The following SRGAP2 variants were observed in gnomAD, a reference collection of about 807,000 sequenced individuals.
The protein encoded by SRGAP2 is SLIT-ROBO Rho GTPase-activating protein 2.
Under a neutral mutation model 57.2 loss-of-function variants are expected in SRGAP2, and 15 were observed. The ratio of observed to expected loss-of-function variants is 0.26; its 90% CI spans 0.18 to 0.40. The LOEUF (loss-of-function observed/expected upper bound fraction) is 0.40, where lower values mean the gene tolerates loss of function less well. Ranked by LOEUF, SRGAP2 falls within the 10% of genes least tolerant of loss-of-function variation. The pLI is 1.00. For missense variants in SRGAP2, 520 were observed against 669.6 expected, an observed-to-expected ratio of 0.78 and a Z score of 2.47; for synonymous variants, 249 against 248.0, an observed-to-expected ratio of 1.00 and a Z score of -0.04.
At chr1:206,357,711 G>A (rs1395731258) in intron 4 of SRGAP2, among the ~76,000 whole-genome samples, 1 of 150,570 alleles carries the variant, frequency 6.6e-6, no homozygotes, top group African/African-American at 2.5e-5. Flanking sequence ...AGCCTCCCGA[G>A]TAGCCGGGAT....
chr1:206,323,506 G>C (rs1432748712), intron 3 of SRGAP2, among the ~76,000 whole-genome samples: 1 of 150,136 alleles, frequency 6.7e-6, no homozygotes, highest in Non-Finnish European at 1.5e-5. Flanking sequence ...TCCTAAGCCT[G>C]CTCCTAGGTT....
chr1:206,357,503 A>G (rs1189034459), intron 4 of SRGAP2, among the ~76,000 whole-genome samples: 2 of 149,146 alleles, frequency 1.3e-5, no homozygotes, highest in Admixed American at 6.6e-5. Context: ...AATGTTGCCT[A>G]TATGATCATA....
At chr1:206,417,319 G>T (rs1553362391) in intron 11 of SRGAP2, among the ~76,000 whole-genome samples, 1 of 151,610 alleles carries the variant, frequency 6.6e-6, no homozygotes, top group South Asian at 2.1e-4. Context: ...GGCCAGGCTG[G>T]TCTCAATCTC....
intron 2 of SRGAP2, among the ~76,000 whole-genome samples, chr1:206,230,629 ATT>A (rs782803531): frequency 1.3e-4 from 18 of 143,894 alleles, no homozygotes; most frequent in Non-Finnish European, 1.7e-4. Flanking sequence ...ATGGAGCTGT[ATT>A]TTTTTTTTTT....
intron 10 of SRGAP2, among the ~76,000 whole-genome samples, chr1:206,412,854 C>G (rs1348714486): frequency 1.3e-5 from 2 of 152,164 alleles, no homozygotes; most frequent in Non-Finnish European, 2.9e-5. Flanking sequence ...AATAAAATAA[C>G]GTGCCTGCAG....
At chr1:206,419,287 T>G in intron 11 of SRGAP2, 86 bp from the exon 12 acceptor site, 1 of 765,188 alleles carries the variant, frequency 1.3e-6, no homozygotes, top group South Asian at 1.4e-5. Flanking sequence ...CTAGGGGAGA[T>G]AGGCATGGTA....
chr1:206,283,660 A>G (rs1461458029), intron 2 of SRGAP2, among the ~76,000 whole-genome samples: 5 of 152,064 alleles, frequency 3.3e-5, no homozygotes, highest in Non-Finnish European at 5.9e-5. Flanking sequence ...TGGGCTTCCA[A>G]GTGAGACTCT....
intron 2 of SRGAP2, among the ~76,000 whole-genome samples, chr1:206,276,736 C>G (rs1198551544): frequency 6.6e-6 from 1 of 152,150 alleles, no homozygotes; most frequent in Admixed American, 6.5e-5. Flanking sequence ...AAACCTACCT[C>G]TCTCCAGGGC....
chr1:206,358,069 G>C (rs1349146438), intron 4 of SRGAP2, among the ~76,000 whole-genome samples: 3 of 151,528 alleles, frequency 2.0e-5, no homozygotes, highest in Admixed American at 6.6e-5. Context: ...TCCCCCTGCT[G>C]CTTTCCCTTT....
intron 18 of SRGAP2, among the ~76,000 whole-genome samples, chr1:206,446,643 T>C: frequency 6.6e-6 from 1 of 152,260 alleles, no homozygotes; most frequent in Non-Finnish European, 1.5e-5. Context: ...CTTGGGCTTC[T>C]ACTCTGTGCT....
intron 4 of SRGAP2, among the ~76,000 whole-genome samples, chr1:206,349,602 A>G (rs551803355): frequency 0.03 from 4,199 of 139,898 alleles, 162 homozygotes; most frequent in African/African-American, 0.1. Context: ...TGACTAATTT[A>G]AGGATCTTGT....
intron 2 of SRGAP2, among the ~76,000 whole-genome samples, chr1:206,298,489 C>T (rs1671706903): frequency 6.6e-6 from 1 of 152,158 alleles, no homozygotes; most frequent in South Asian, 2.1e-4. Flanking sequence ...ATTTTTTAAT[C>T]TGTTTTTTTC....
At chr1:206,221,385 G>T (rs1666980175) in intron 2 of SRGAP2, among the ~76,000 whole-genome samples, 1 of 149,998 alleles carries the variant, frequency 6.7e-6, no homozygotes, top group Non-Finnish European at 1.5e-5. Context: ...AATTTGCAAA[G>T]AAACCATTTT....
chr1:206,436,351 C>CT (rs558991193), intron 14 of SRGAP2, among the ~76,000 whole-genome samples: 2,152 of 144,178 alleles, frequency 0.015, 21 homozygotes, highest in South Asian at 0.028. Context: ...ATTTCCCATT[C>CT]TTTTTTTTTT....
chr1:206,291,506 C>CT (rs1406599712), intron 2 of SRGAP2, among the ~76,000 whole-genome samples: 5 of 152,026 alleles, frequency 3.3e-5, no homozygotes, highest in Admixed American at 6.5e-5. Flanking sequence ...TTCAGGGAGA[C>CT]ACAGGTACCA....
At chr1:206,287,260 G>A (rs1287711945) in intron 2 of SRGAP2, among the ~76,000 whole-genome samples, 2 of 151,672 alleles carry the variant, frequency 1.3e-5, no homozygotes, top group Non-Finnish European at 2.9e-5. Flanking sequence ...GTTCAGGTTC[G>A]GGCATGTTAA....
At chr1:206,333,239 C>G (rs1436928332) in intron 3 of SRGAP2, 4 of 779,260 alleles carry the variant, frequency 5.1e-6, no homozygotes, top group Non-Finnish European at 8.8e-6. Flanking sequence ...AGAAATCACC[C>G]GTCTTCTGCG....
At chr1:206,327,308 C>T (rs1673999956) in intron 3 of SRGAP2, among the ~76,000 whole-genome samples, 2 of 146,896 alleles carry the variant, frequency 1.4e-5, no homozygotes, top group Admixed American at 1.4e-4. Flanking sequence ...GCCTGGACAA[C>T]AAGAGCGAAA....
At chr1:206,332,579 C>T (rs1674443941) in intron 3 of SRGAP2, among the ~76,000 whole-genome samples, 1 of 145,440 alleles carries the variant, frequency 6.9e-6, no homozygotes, top group African/African-American at 2.7e-5. Context: ...TTGCTGATAC[C>T]CTTTCTTCCA....
Sources: gnomAD v4.1 joint callset for allele counts (sites outside exome capture counted in the v4.1 genomes callset) on GRCh38, gnomAD v4.1.1 for gene constraint, MANE v1.5 for transcripts, NCBI Gene and HGNC (gene_info 2026-07-23, HGNC 2026-07-21) for gene names.